DYM: variants seen among roughly 807,000 people sequenced by gnomAD.
The protein encoded by DYM is dyggve-Melchior-Clausen syndrome protein.
Under a neutral mutation model 93.1 loss-of-function variants are expected in DYM, and 78 were observed. That is an observed-to-expected ratio of 0.84 (90% confidence interval 0.70 to 1.01). The LOEUF (loss-of-function observed/expected upper bound fraction) is 1.01, where lower values mean the gene tolerates loss of function less well. DYM is among the 50% of genes least tolerant of loss of function. The pLI is 0.00. For synonymous variants in DYM, 321 were observed against 319.7 expected (o/e 1.00, Z -0.04); for missense variants, 789 against 845.0 (o/e 0.93, Z 0.82).
intron 17 of DYM, among the ~76,000 whole-genome samples, chr18:49,069,320 T>C (rs1265923924): frequency 6.6e-6 from 1 of 152,230 alleles, no homozygotes; most frequent in Non-Finnish European, 1.5e-5. Flanking sequence ...GCAATTTATC[T>C]ATTCTGAAAG....
At chr18:49,369,082 G>A (rs2066768769) in intron 5 of DYM, among the ~76,000 whole-genome samples, 1 of 152,214 alleles carries the variant, frequency 6.6e-6, no homozygotes, top group South Asian at 2.1e-4. Flanking sequence ...TGCTTCACTA[G>A]GGGACGCTGA....
chr18:49,322,768 T>C (rs1246420851), intron 8 of DYM, among the ~76,000 whole-genome samples: 1 of 152,178 alleles, frequency 6.6e-6, no homozygotes, highest in Non-Finnish European at 1.5e-5. Flanking sequence ...ATTTTAAATA[T>C]TACCAGGTAA....
chr18:49,347,737 T>C lies in DYM; in HGVS notation c.495-13884A>G, dbSNP rs1735904006. ...TTAAAAATATATTAATTTGGCTATC[T>C]TAAGTGCCAAATAATCAGGAAAAAG... On this transcript the variant is annotated intron_variant, in intron 6 of 17. Coordinates refer to ENST00000675505, the MANE Select transcript of DYM (RefSeq NM_001353214.3). 3.3e-5 allele frequency among the ~76,000 whole-genome samples: 5 copies of C among 152,262 alleles called. No individual in the cohort carries two copies. In the South Asian group the frequency reaches 1.0e-3, roughly 32 times the overall value.
At chr18:49,310,501 TGTGAAAGA>T (rs1568222161) in intron 8 of DYM, among the ~76,000 whole-genome samples, 2 of 152,210 alleles carry the variant, frequency 1.3e-5, no homozygotes, top group Non-Finnish European at 2.9e-5. Context: ...TGCATATACA[TGTGAAAGA>T]GTGTATATGT....
At chr18:49,262,227 A>C (rs1340371163) in intron 11 of DYM, among the ~76,000 whole-genome samples, 2 of 152,186 alleles carry the variant, frequency 1.3e-5, no homozygotes, top group Non-Finnish European at 2.9e-5. Context: ...ATGTAGATAG[A>C]TGGCAAGCCA....
chr18:49,367,832 T>C (rs758297826), intron 5 of DYM, among the ~76,000 whole-genome samples: 6 of 152,172 alleles, frequency 3.9e-5, no homozygotes, highest in Non-Finnish European at 7.3e-5. Flanking sequence ...AAAGAGTACC[T>C]TAGAAGTTCA....
chr18:49,286,699 A>G, intron 8 of DYM, 83 bp from the exon 9 acceptor site: 2 of 1,349,538 alleles, frequency 1.5e-6, no homozygotes, highest in Non-Finnish European at 2.1e-6. Flanking sequence ...GTAATATAAT[A>G]CAATATGGTA....
At chr18:49,224,316 G>C (rs1228034081) in intron 13 of DYM, among the ~76,000 whole-genome samples, 1 of 152,092 alleles carries the variant, frequency 6.6e-6, no homozygotes, top group African/African-American at 2.4e-5. Context: ...GATGACATTA[G>C]TCATCTGATT....
intron 15 of DYM, among the ~76,000 whole-genome samples, chr18:49,131,071 G>A (rs1038777502): frequency 2.0e-5 from 3 of 152,204 alleles, no homozygotes; most frequent in Admixed American, 1.3e-4. Flanking sequence ...GTCTTGCGTA[G>A]CAGATAAAGA....
chr18:49,058,818 A>G (rs1385307072), intron 17 of DYM, among the ~76,000 whole-genome samples: 1 of 152,236 alleles, frequency 6.6e-6, no homozygotes, highest in Non-Finnish European at 1.5e-5. Context: ...AGACACTTAT[A>G]TTTGGGGTTA....
chr18:49,208,211 A>G (rs1568605930), intron 14 of DYM, among the ~76,000 whole-genome samples: 1 of 151,730 alleles, frequency 6.6e-6, no homozygotes, highest in African/African-American at 2.4e-5. Flanking sequence ...AAAATTAAAA[A>G]GAAAAAGACG....
At chr18:49,046,438 CAG>C (rs904044547) in intron 17 of DYM, among the ~76,000 whole-genome samples, 2 of 149,596 alleles carry the variant, frequency 1.3e-5, no homozygotes, top group African/African-American at 4.9e-5. Context: ...ACATACAAAA[CAG>C]ATACCCACAC....
intron 17 of DYM, among the ~76,000 whole-genome samples, chr18:49,054,147 T>C (rs934282575): frequency 6.6e-6 from 1 of 152,162 alleles, no homozygotes; most frequent in Non-Finnish European, 1.5e-5. Context: ...ATATTATAAT[T>C]TAACAAAAAG....
At chr18:49,292,379 C>T (rs566633003) in intron 8 of DYM, among the ~76,000 whole-genome samples, 12 of 150,864 alleles carry the variant, frequency 8.0e-5, no homozygotes, top group African/African-American at 2.7e-4. Flanking sequence ...CACACACACA[C>T]ACACACACAC....
At chr18:49,171,784 TC>T (rs1245635606) in intron 14 of DYM, among the ~76,000 whole-genome samples, 1 of 152,142 alleles carries the variant, frequency 6.6e-6, no homozygotes, top group Non-Finnish European at 1.5e-5. Context: ...ACCTGTGCTC[TC>T]CCTGCTTCTG....
At chr18:49,332,934 T>C (rs2063413718) in intron 7 of DYM, among the ~76,000 whole-genome samples, 3 of 152,164 alleles carry the variant, frequency 2.0e-5, no homozygotes, top group Admixed American at 6.5e-5. Context: ...AGTGTCTCTG[T>C]CAGAGAGGGT....
intron 8 of DYM, among the ~76,000 whole-genome samples, chr18:49,317,592 TCTCTCCCCCCTCCCCCCTCCCTCCCTC>T (rs2062055988): frequency 1.7e-4 from 2 of 11,446 alleles, no homozygotes; most frequent in African/African-American, 1.1e-3. Flanking sequence ...TCTCTCTCTC[TCTCTCCCCCCTCCCCCCTCCCTCCCTC>T]CCTCCCTCCC....
intron 13 of DYM, among the ~76,000 whole-genome samples, chr18:49,247,198 T>A (rs2094191044): frequency 6.6e-6 from 1 of 152,204 alleles, no homozygotes; most frequent in Non-Finnish European, 1.5e-5. Context: ...CGCTCCTGTA[T>A]TGCAACCCAC....
At chr18:49,198,369 A>G (rs1342610403) in intron 14 of DYM, among the ~76,000 whole-genome samples, 2 of 152,110 alleles carry the variant, frequency 1.3e-5, no homozygotes, top group African/African-American at 4.8e-5. Flanking sequence ...ACAAAAGCCA[A>G]AATTGACAAA....
Sources: gnomAD v4.1 joint callset for allele counts (sites outside exome capture counted in the v4.1 genomes callset) on GRCh38, gnomAD v4.1.1 for gene constraint, MANE v1.5 for transcripts, NCBI Gene and HGNC (gene_info 2026-07-23, HGNC 2026-07-21) for gene names.